Variants in SEMA3A observed in about 807,000 individuals in gnomAD.
SEMA3A encodes the protein semaphorin-3A.
In SEMA3A, 29 loss-of-function variants were observed where a neutral mutation model predicts 97.9. That is an observed-to-expected ratio of 0.30 (90% CI 0.22 to 0.40). SEMA3A has a LOEUF of 0.40. SEMA3A is among the 10% of genes least tolerant of loss of function. The pLI, the probability that SEMA3A is intolerant of heterozygous loss-of-function variation, is 1.00. For missense variants in SEMA3A, 763 were observed against 951.3 expected (o/e 0.80, Z 2.60); for synonymous variants, 321 against 323.7 (o/e 0.99, Z 0.09).
At chr7:84,317,758 T>G (rs1801543724) in intron 2 of SEMA3A, among the ~76,000 whole-genome samples, 1 of 152,184 alleles carries the variant, frequency 6.6e-6, no homozygotes, top group Admixed American at 6.5e-5. Flanking sequence ...ATAACTGTTC[T>G]CTGGTGGACA....
chr7:84,076,992 G>A (rs149049860), intron 4 of SEMA3A, among the ~76,000 whole-genome samples: 1 of 152,202 alleles, frequency 6.6e-6, no homozygotes, highest in African/African-American at 2.4e-5. Context: ...TTTAATAGGA[G>A]CTTAATTTGA....
At chr7:83,962,393 A>C (rs1395897441) in intron 16 of SEMA3A, among the ~76,000 whole-genome samples, 1 of 152,170 alleles carries the variant, frequency 6.6e-6, no homozygotes, top group East Asian at 1.9e-4. Flanking sequence ...TACAGTTTAC[A>C]ATAGAGGTCT....
chr7:84,433,790 T>A (rs1203111430), intron 1 of SEMA3A, among the ~76,000 whole-genome samples: 1 of 152,212 alleles, frequency 6.6e-6, no homozygotes, highest in Non-Finnish European at 1.5e-5. Context: ...TGAGATGGTA[T>A]CTCATTGTAA....
intron 2 of SEMA3A, among the ~76,000 whole-genome samples, chr7:84,363,661 T>C (rs1472027880): frequency 6.6e-6 from 1 of 151,860 alleles, no homozygotes; most frequent in Non-Finnish European, 1.5e-5. Flanking sequence ...TTTAGACAAA[T>C]TGTGATTGTA....
intron 3 of SEMA3A, among the ~76,000 whole-genome samples, chr7:84,269,847 T>A (rs1800099612): frequency 6.6e-6 from 1 of 152,126 alleles, no homozygotes; most frequent in South Asian, 2.1e-4. Flanking sequence ...TGTATTTTTT[T>A]ACCCAACTTG....
At chr7:84,052,101 G>A (rs1792689756) in intron 5 of SEMA3A, among the ~76,000 whole-genome samples, 2 of 152,118 alleles carry the variant, frequency 1.3e-5, no homozygotes, top group African/African-American at 2.4e-5. Context: ...TGTGCTACTG[G>A]ATTCGGTTTG....
chr7:84,319,945 T>A (rs570882493), intron 2 of SEMA3A, among the ~76,000 whole-genome samples: 29 of 152,302 alleles, frequency 1.9e-4, no homozygotes, highest in African/African-American at 7.0e-4. Flanking sequence ...TTCTAAGAAG[T>A]GGTTCAGAGA....
intron 1 of SEMA3A, among the ~76,000 whole-genome samples, chr7:84,480,888 A>AAAAAT (rs979235593): frequency 2.6e-5 from 4 of 152,070 alleles, no homozygotes; most frequent in Non-Finnish European, 2.9e-5. Context: ...GTAGCATACC[A>AAAAAT]AAAATAAAAT....
Position 84,424,242 on chromosome 7 carries a change from A to G in SEMA3A, c.-245-52342T>C, listed in dbSNP as rs1473160488. The stretch of plus-strand genomic sequence containing the variant: ...AATTGCAAAGATACAGGATGACCCT[A>G]TGTACCCACTGACCAATGAGTGGAT... On this transcript the variant is annotated intron_variant, in intron 1 of 3. Coordinates refer to the SEMA3A transcript ENST00000424555. Among the ~76,000 whole-genome samples, 3 of 150,288 alleles carry G rather than the reference A, an allele frequency of 2.0e-5. No individual in the cohort carries two copies. In the East Asian group the frequency reaches 5.8e-4, roughly 29 times the overall value.
At chr7:84,261,120 C>A (rs760474639) in intron 3 of SEMA3A, among the ~76,000 whole-genome samples, 1 of 152,146 alleles carries the variant, frequency 6.6e-6, no homozygotes, top group Non-Finnish European at 1.5e-5. Flanking sequence ...ATTGGGATGA[C>A]CTGGCTGTGG....
Position 84,373,262 on chromosome 7 carries a change from T to C in SEMA3A, c.-245-1362A>G, listed in dbSNP as rs117100617. Among the ~76,000 whole-genome samples the C allele has an allele frequency of 3.3e-3, 504 of 152,322 alleles. 3 individuals are homozygous for C. Among genetic ancestry groups the C allele is most frequent in the Non-Finnish European group, 5.3e-3 (358 of 68,020 alleles). Reference sequence around the variant, plus strand: ...GGCCACCAACTTTCCTGTAGTTTGGTATTCCATAATAGCTCTTCAATACAT... The same window carrying C: ...GGCCACCAACTTTCCTGTAGTTTGGCATTCCATAATAGCTCTTCAATACAT... On this transcript the variant is annotated intron_variant, in intron 1 of 3. Coordinates refer to the SEMA3A transcript ENST00000424555.
intron 4 of SEMA3A, among the ~76,000 whole-genome samples, chr7:84,104,616 G>A (rs577251976): frequency 6.6e-6 from 1 of 151,934 alleles, no homozygotes; most frequent in Non-Finnish European, 1.5e-5. Flanking sequence ...TTTGGATTTT[G>A]GTATCTATTT....
chr7:84,019,248 C>A (rs1376208509), intron 6 of SEMA3A, among the ~76,000 whole-genome samples: 1 of 152,062 alleles, frequency 6.6e-6, no homozygotes, highest in Non-Finnish European at 1.5e-5. Flanking sequence ...GGAAGACAAG[C>A]TCTGTTTAGT....
At chr7:84,121,424 A>G (rs892740587) in intron 3 of SEMA3A, among the ~76,000 whole-genome samples, 1 of 143,740 alleles carries the variant, frequency 7.0e-6, no homozygotes, top group African/African-American at 2.6e-5. Flanking sequence ...AAGTGTTCTC[A>G]TTGTTCAATT....
chr7:84,268,240 G>A (rs865857887), intron 3 of SEMA3A, among the ~76,000 whole-genome samples: 2 of 145,740 alleles, frequency 1.4e-5, no homozygotes, highest in South Asian at 2.2e-4. Context: ...TTTCCTGAGA[G>A]ACATAAGCAT....
At chr7:84,045,860 G>T (rs990063259) in intron 6 of SEMA3A, among the ~76,000 whole-genome samples, 2 of 151,416 alleles carry the variant, frequency 1.3e-5, no homozygotes, top group South Asian at 4.2e-4. Context: ...AAAGACATTT[G>T]AAATTTTGAA....
At chr7:84,159,151 C>T (rs1414829145) in intron 1 of SEMA3A, among the ~76,000 whole-genome samples, 1 of 152,016 alleles carries the variant, frequency 6.6e-6, no homozygotes, top group Non-Finnish European at 1.5e-5. Context: ...TTCTGTCCAC[C>T]TTCCCCTCTT....
chr7:84,154,183 T>G (rs1584048754), intron 1 of SEMA3A, among the ~76,000 whole-genome samples: 1 of 152,232 alleles, frequency 6.6e-6, no homozygotes, highest in Non-Finnish European at 1.5e-5. Context: ...CAAGGAATAT[T>G]TAGAAAGATA....
chr7:84,077,649 T>A (rs1003707206), intron 4 of SEMA3A, among the ~76,000 whole-genome samples: 3 of 152,096 alleles, frequency 2.0e-5, no homozygotes, highest in Non-Finnish European at 4.4e-5. Context: ...GATTTTCTTT[T>A]AGCAAATTAG....
Sources: allele counts gnomAD v4.1 joint callset (sites outside exome capture counted in the v4.1 genomes callset), GRCh38; gene constraint gnomAD v4.1.1; transcripts MANE v1.5; gene names NCBI Gene and HGNC (gene_info 2026-07-23, HGNC 2026-07-21).